The following TPRG1 variants were observed in gnomAD, a reference collection of about 807,000 sequenced individuals.
The protein encoded by TPRG1 is tumor protein p63-regulated gene 1 protein.
Under a neutral mutation model 29.3 loss-of-function variants are expected in TPRG1, and 29 were observed. The ratio of observed to expected loss-of-function variants is 0.99; its 90% CI spans 0.74 to 1.35. The LOEUF is 1.35. TPRG1 is among the 40% of genes most tolerant of loss of function. The probability of loss-of-function intolerance (pLI) is 0.00; values close to 1 mark genes in which losing one functional copy is unlikely to be tolerated. For missense variants in TPRG1, 327 were observed against 335.0 expected (o/e 0.98, Z 0.19); for synonymous variants, 130 against 116.8 (o/e 1.11, Z -0.73).
At chr3:189,058,971 G>A (rs1039825663) in intron 4 of TPRG1, among the ~76,000 whole-genome samples, 2 of 152,140 alleles carry the variant, frequency 1.3e-5, no homozygotes, top group Admixed American at 6.5e-5. Flanking sequence ...CTTTCTGTAA[G>A]CATATCTAGT....
intron 3 of TPRG1, among the ~76,000 whole-genome samples, chr3:189,138,448 C>T (rs1018880648): frequency 6.6e-6 from 1 of 152,196 alleles, no homozygotes; most frequent in Non-Finnish European, 1.5e-5. Context: ...ACCCACTTCC[C>T]AGCACAATAC....
chr3:189,119,507 G>T (rs1207634865), intron 1 of TPRG1, among the ~76,000 whole-genome samples: 1 of 152,146 alleles, frequency 6.6e-6, no homozygotes, highest in Non-Finnish European at 1.5e-5. Context: ...AAATTGATAT[G>T]GTTTGGCTCT....
At chr3:189,038,217 A>G (rs1471958648) in intron 4 of TPRG1, among the ~76,000 whole-genome samples, 3 of 152,054 alleles carry the variant, frequency 2.0e-5, no homozygotes, top group African/African-American at 7.2e-5. Context: ...AGAACCATAA[A>G]CCGTCCCTTA....
intron 1 of TPRG1, among the ~76,000 whole-genome samples, chr3:189,176,671 C>T (rs1362408386): frequency 1.2e-4 from 19 of 152,086 alleles, no homozygotes; most frequent in South Asian, 4.1e-4. Context: ...AAGGAGTCAG[C>T]GAGGCACTAA....
chr3:189,308,787 A>G (rs1722008597), intron 4 of TPRG1, among the ~76,000 whole-genome samples: 1 of 152,176 alleles, frequency 6.6e-6, no homozygotes, highest in African/African-American at 2.4e-5. Flanking sequence ...ATAAATTGAC[A>G]TATGAAGCAG....
chr3:189,312,557 C>T (rs1165095643), intron 5 of TPRG1, among the ~76,000 whole-genome samples: 1 of 152,012 alleles, frequency 6.6e-6, no homozygotes, highest in Non-Finnish European at 1.5e-5. Context: ...TCTCTTATTC[C>T]TCATACCTTG....
At chr3:189,175,263 C>T (rs552584620) in intron 1 of TPRG1, among the ~76,000 whole-genome samples, 14 of 151,796 alleles carry the variant, frequency 9.2e-5, no homozygotes, top group East Asian at 1.9e-4. Flanking sequence ...AAATGGCACT[C>T]GAACTGGGCT....
intron 3 of TPRG1, among the ~76,000 whole-genome samples, chr3:189,018,368 A>G (rs201387721): frequency 1.3e-5 from 2 of 149,572 alleles, no homozygotes; most frequent in Non-Finnish European, 3.0e-5. Context: ...TTTTAGGTCT[A>G]ACGTTTAAGT....
chr3:189,014,545 C>T (rs575528572), intron 3 of TPRG1, among the ~76,000 whole-genome samples: 26 of 152,236 alleles, frequency 1.7e-4, no homozygotes, highest in African/African-American at 6.0e-4. Flanking sequence ...TGTGTTCCCA[C>T]CTAAATCTCA....
intron 1 of TPRG1, among the ~76,000 whole-genome samples, chr3:189,190,787 G>C (rs770162150): frequency 1.3e-5 from 2 of 152,078 alleles, no homozygotes; most frequent in African/African-American, 2.4e-5. Flanking sequence ...TTAATATATA[G>C]AGATGGCATT....
intron 4 of TPRG1, among the ~76,000 whole-genome samples, chr3:189,048,855 C>T (rs537010266): frequency 3.5e-4 from 54 of 152,182 alleles, no homozygotes; most frequent in Middle Eastern, 3.2e-3. Context: ...ACCCTCCCGT[C>T]CGCAACACAC....
chr3:189,084,752 G>A (rs1251572324), intron 4 of TPRG1, among the ~76,000 whole-genome samples: 1 of 152,122 alleles, frequency 6.6e-6, no homozygotes, highest in African/African-American at 2.4e-5. Context: ...TATGTTTCCT[G>A]TGTAGTATCT....
chr3:189,210,565 G>A (rs1393495714), intron 2 of TPRG1, among the ~76,000 whole-genome samples: 1 of 152,168 alleles, frequency 6.6e-6, no homozygotes, highest in Admixed American at 6.5e-5. Context: ...AGATGATATA[G>A]TCAGATGATT....
intron 1 of TPRG1, among the ~76,000 whole-genome samples, chr3:189,116,027 G>A (rs933871763): frequency 1.3e-5 from 2 of 152,154 alleles, no homozygotes; most frequent in Non-Finnish European, 2.9e-5. Context: ...ACCCTTGCAT[G>A]CTGTTGATGG....
At chr3:189,086,564 G>C (rs75268627) in intron 4 of TPRG1, among the ~76,000 whole-genome samples, 1 of 128,366 alleles carries the variant, frequency 7.8e-6, no homozygotes, top group Non-Finnish European at 1.6e-5. Flanking sequence ...GTTTGCTCTT[G>C]TTGCCTAGGC....
chr3:189,265,089 T>A (rs1016878195), intron 4 of TPRG1, among the ~76,000 whole-genome samples: 1 of 152,208 alleles, frequency 6.6e-6, no homozygotes, highest in African/African-American at 2.4e-5. Context: ...CATTTGAATT[T>A]TGACATTCAT....
intron 4 of TPRG1, among the ~76,000 whole-genome samples, chr3:189,256,630 G>A (rs1021534326): frequency 2.6e-5 from 4 of 152,094 alleles, no homozygotes. Flanking sequence ...CTATTATTGT[G>A]TGGGAGTCTA....
At chr3:189,293,022 A>G (rs1719277817) in intron 4 of TPRG1, among the ~76,000 whole-genome samples, 1 of 152,150 alleles carries the variant, frequency 6.6e-6, no homozygotes, top group Non-Finnish European at 1.5e-5. Flanking sequence ...ACTCTGCTTA[A>G]TAGGAACCGG....
chr3:189,238,339 C>T (rs2108941024), intron 3 of TPRG1, among the ~76,000 whole-genome samples: 1 of 152,292 alleles, frequency 6.6e-6, no homozygotes, highest in East Asian at 1.9e-4. Flanking sequence ...GGTACGGATT[C>T]AGCTAGAACA....
Sources: allele counts gnomAD v4.1 joint callset (sites outside exome capture counted in the v4.1 genomes callset), GRCh38; gene constraint gnomAD v4.1.1; transcripts MANE v1.5; gene names NCBI Gene and HGNC (gene_info 2026-07-23, HGNC 2026-07-21).